C2CD3: variants seen among roughly 807,000 people sequenced by gnomAD.
The protein encoded by C2CD3 is C2 domain-containing protein 3.
A neutral mutation model predicts 234.0 loss-of-function variants in C2CD3; 148 were observed. That is an observed-to-expected ratio of 0.63 (90% CI 0.55 to 0.72). C2CD3 has a LOEUF of 0.72. Among genes scored for constraint, C2CD3 ranks in the 30% least tolerant of loss-of-function variants. The pLI, the probability that C2CD3 is intolerant of heterozygous loss-of-function variation, is 0.00. For missense variants in C2CD3, 2,577 were observed against 2,811.5 expected, an observed-to-expected ratio of 0.92 and a Z score of 1.89; for synonymous variants, 1,000 against 1,035.4, an observed-to-expected ratio of 0.97 and a Z score of 0.66.
At chr11:74,144,965 C>A (rs1256170162) in intron 3 of C2CD3, among the ~76,000 whole-genome samples, 1 of 151,846 alleles carries the variant, frequency 6.6e-6, no homozygotes, top group Admixed American at 6.6e-5. Context: ...GGGTATGTAC[C>A]CTAAAAGTAT....
intron 12 of C2CD3, among the ~76,000 whole-genome samples, chr11:74,108,363 T>A (rs1041312389): frequency 6.6e-6 from 1 of 152,136 alleles, no homozygotes; most frequent in African/African-American, 2.4e-5. Flanking sequence ...ATGTTCTTCA[T>A]GCTATCCATA....
In C2CD3 at chr11:74,033,660, G is replaced by C. The variant is rs1400359935; in HGVS notation, c.6500C>G (p.Ser2167Cys). 2 of 1,536,222 alleles carry C rather than the reference G, an allele frequency of 1.3e-6. No homozygotes were observed. The highest frequency in any genetic ancestry group is 1.2e-5 in the South Asian group (1 of 84,062). ...EASKARVGGE[S>C]ASANPQPIPC... Reference sequence around the variant, plus strand: ...GATGGGCTGAGGGTTGGCTGAGGCAGACTCGCCACCAACCCTGGCCTTAGA... The same window carrying C: ...GATGGGCTGAGGGTTGGCTGAGGCACACTCGCCACCAACCCTGGCCTTAGA... The change falls in exon 31 of 33, where the codon TCT becomes TGT. Residue 2167 changes from serine (S) to cysteine (C), a missense_variant. Transcript: ENST00000334126.
intron 23 of C2CD3, among the ~76,000 whole-genome samples, chr11:74,077,166 T>C (rs1350113471): frequency 1.3e-5 from 2 of 152,096 alleles, no homozygotes; most frequent in East Asian, 3.8e-4. Context: ...AAGAATACCC[T>C]GGTCCCCTCA....
At chr11:74,151,031 T>C (rs1855617271) in intron 3 of C2CD3, among the ~76,000 whole-genome samples, 2 of 152,036 alleles carry the variant, frequency 1.3e-5, no homozygotes, top group Non-Finnish European at 2.9e-5. Flanking sequence ...CTTCAAGCGA[T>C]TCTCCTGCCT....
chr11:74,093,237 A>G (rs370851337), intron 18 of C2CD3, among the ~76,000 whole-genome samples: 1 of 151,320 alleles, frequency 6.6e-6, no homozygotes, highest in East Asian at 1.9e-4. Context: ...GGGTGGGTTG[A>G]ACATCCGTAT....
chr11:74,024,562 T>C (rs1412678705), intron 32 of C2CD3, among the ~76,000 whole-genome samples: 1 of 152,222 alleles, frequency 6.6e-6, no homozygotes, highest in Non-Finnish European at 1.5e-5. Context: ...ATGATGGTGC[T>C]CCTGCTCAAA....
chr11:74,107,808 T>A (rs1474499760), intron 12 of C2CD3: 1 of 152,134 alleles, frequency 6.6e-6, no homozygotes, highest in Non-Finnish European at 1.5e-5. Context: ...CTTTTAAAAA[T>A]TATTTTTCAA....
At chr11:74,093,793 G>C (rs760330583) in intron 18 of C2CD3, 23 bp downstream of exon 18, 10 of 1,602,882 alleles carry the variant, frequency 6.2e-6, no homozygotes, top group Non-Finnish European at 7.7e-6. Flanking sequence ...CCTAGGCATA[G>C]GACTGGGGTC....
chr11:74,027,043 A>C (rs1952331346), intron 32 of C2CD3, among the ~76,000 whole-genome samples: 1 of 151,724 alleles, frequency 6.6e-6, no homozygotes, highest in East Asian at 1.9e-4. Context: ...TAGGCATCTC[A>C]GTTTCTTTAT....
chr11:74,160,242 C>T (rs754773561), intron 3 of C2CD3, among the ~76,000 whole-genome samples: 1 of 152,088 alleles, frequency 6.6e-6, no homozygotes, highest in Non-Finnish European at 1.5e-5. Context: ...TAATGCATGA[C>T]TGTATATTCA....
rs759588240 is a variant in C2CD3, at chr11:74,078,563, C to A, written c.4155G>T (p.Leu1385Phe). 6.2e-7 allele frequency: 1 copy of A among 1,614,120 alleles called. No individual in the cohort carries two copies. The highest frequency in any genetic ancestry group is 8.5e-7 in the Non-Finnish European group (1 of 1,180,018). Residue 1385 changes from leucine (L) to phenylalanine (F), a missense_variant, in exon 23 of 33, where the codon TTG (leucine) becomes TTT (phenylalanine). By Grantham distance (22) the Leu-to-Phe change is conservative. Coordinates refer to ENST00000334126, the MANE Select transcript of C2CD3 (RefSeq NM_001286577.2). Reference protein sequence around the residue: ...RERVLEAAEHLGWSFENSLKD... With the variant: ...RERVLEAAEHFGWSFENSLKD... Reference sequence around the variant, plus strand: ...TCAGGCTGTTCTCAAAGCTCCAGCCCAAATGCTCAGCAGCTTCCAACACCC... The same window carrying A: ...TCAGGCTGTTCTCAAAGCTCCAGCCAAAATGCTCAGCAGCTTCCAACACCC...
intron 24 of C2CD3, among the ~76,000 whole-genome samples, chr11:74,064,857 G>C (rs1216251695): frequency 6.6e-6 from 1 of 152,128 alleles, no homozygotes; most frequent in Admixed American, 6.5e-5. Context: ...GGGAAAACTG[G>C]CTAGCCATAT....
At chr11:74,137,402 A>T (rs1957899550) in intron 5 of C2CD3, among the ~76,000 whole-genome samples, 1 of 152,116 alleles carries the variant, frequency 6.6e-6, no homozygotes, top group African/African-American at 2.4e-5. Flanking sequence ...GTCAACAAAT[A>T]TCTTTCCTAA....
chr11:74,163,838 TA>T (rs1306872696), intron 2 of C2CD3, among the ~76,000 whole-genome samples: 1 of 152,204 alleles, frequency 6.6e-6, no homozygotes, highest in Non-Finnish European at 1.5e-5. Flanking sequence ...TTGTAGACTA[TA>T]AAATGATGTA....
chr11:74,132,057 A>G (rs1957696369), intron 7 of C2CD3, among the ~76,000 whole-genome samples: 1 of 152,188 alleles, frequency 6.6e-6, no homozygotes, highest in Non-Finnish European at 1.5e-5. Context: ...AACAGTAAAA[A>G]TACTATGTGT....
At chr11:74,129,395 C>T (rs1356762968) in intron 7 of C2CD3, 24 of 175,520 alleles carry the variant, frequency 1.4e-4, no homozygotes, top group Admixed American at 5.6e-4. Flanking sequence ...ACCTCCCAGA[C>T]GGGGTCGCGG....
chr11:74,091,000 A>G (rs2135481958), intron 19 of C2CD3, 64 bp from the exon 20 acceptor site: 6 of 1,582,532 alleles, frequency 3.8e-6, no homozygotes, highest in Non-Finnish European at 5.2e-6. Context: ...CCAAACCACA[A>G]AGTTTTGGTC....
Position 74,049,556 on chromosome 11 carries a change from A to C in C2CD3, c.5156-14T>G. ...CCCTCTCCTCATCTGTAGAGGAAAG[A>C]GAAGAGCTGGGCAATGTGGCTAGGC... On this transcript the variant is annotated splice_polypyrimidine_tract_variant and intron_variant, in intron 26 of 32. Transcript: ENST00000334126. The C allele has an allele frequency of 6.2e-6, 10 of 1,606,362 alleles. No homozygotes were observed. The highest frequency in any genetic ancestry group is 8.5e-6 in the Non-Finnish European group (10 of 1,175,134).
In C2CD3 at chr11:74,103,202, A is replaced by G. The variant is rs1184729859; in HGVS notation, c.2509T>C (p.Phe837Leu). The G allele has an allele frequency of 1.9e-6, 3 of 1,614,224 alleles. No homozygotes were observed. The highest frequency in any genetic ancestry group is 2.5e-6 in the Non-Finnish European group (3 of 1,180,028). ...PCNVYLNCKL[F>L]STEEVTRSVI... Reference sequence around the variant, plus strand: ...GATCTGGTGACTTCCTCTGTGCTGAAGAGTTTACAATTTAAATAAACATTG... The same window carrying G: ...GATCTGGTGACTTCCTCTGTGCTGAGGAGTTTACAATTTAAATAAACATTG... Residue 837 changes from phenylalanine (F) to leucine (L), a missense_variant, in exon 14 of 33, where the codon TTC becomes CTC. Physicochemically the swap from Phe to Leu is conservative, Grantham distance 22 (BLOSUM62 0). Transcript: ENST00000334126.
Sources: allele counts gnomAD v4.1 joint callset (sites outside exome capture counted in the v4.1 genomes callset), GRCh38; gene constraint gnomAD v4.1.1; transcripts MANE v1.5; gene names NCBI Gene and HGNC (gene_info 2026-07-23, HGNC 2026-07-21).